CACNA1E: variants seen among roughly 807,000 people sequenced by gnomAD.
The protein encoded by CACNA1E is voltage-dependent R-type calcium channel subunit alpha-1E.
Under a neutral mutation model 259.2 loss-of-function variants are expected in CACNA1E, and 40 were observed. The observed-to-expected ratio is 0.15, with a 90% CI of 0.12 to 0.20. CACNA1E has a LOEUF of 0.20. CACNA1E is among the 10% of genes least tolerant of loss of function. The probability of loss-of-function intolerance (pLI) is 1.00; values close to 1 mark genes in which losing one functional copy is unlikely to be tolerated. For synonymous variants in CACNA1E, 1,104 were observed against 1,138.5 expected, an observed-to-expected ratio of 0.97 and a Z score of 0.61; for missense variants, 1,874 against 3,040.1, an observed-to-expected ratio of 0.62 and a Z score of 9.02.
intron 12 of CACNA1E, among the ~76,000 whole-genome samples, chr1:181,719,026 A>C (rs1441733631): frequency 4.6e-5 from 7 of 152,196 alleles, no homozygotes. Context: ...GCTAATCTAC[A>C]TTTTAACTTG....
intron 6 of CACNA1E, among the ~76,000 whole-genome samples, chr1:181,635,076 G>A (rs542118754): frequency 1.2e-4 from 18 of 152,360 alleles, no homozygotes; most frequent in East Asian, 7.7e-4. Context: ...TGTCTTCACC[G>A]CTTGTTGAGA....
intron 7 of CACNA1E, among the ~76,000 whole-genome samples, chr1:181,662,711 G>A (rs1317769492): frequency 1.4e-5 from 2 of 147,852 alleles, no homozygotes; most frequent in African/African-American, 4.9e-5. Flanking sequence ...CTCAGTAGGT[G>A]GGGCTGGGAA....
intron 6 of CACNA1E, among the ~76,000 whole-genome samples, chr1:181,625,172 A>G (rs1442823136): frequency 6.6e-6 from 1 of 151,516 alleles, no homozygotes; most frequent in African/African-American, 2.4e-5. Flanking sequence ...GAGCACAAGC[A>G]GAGTAGATTT....
chr1:181,582,236 C>T (rs902730400), intron 6 of CACNA1E, among the ~76,000 whole-genome samples: 4 of 152,228 alleles, frequency 2.6e-5, no homozygotes, highest in African/African-American at 7.2e-5. Flanking sequence ...CCAGCAAGCC[C>T]AGGGATGAAG....
At chr1:181,737,795 G>A in intron 23 of CACNA1E, 141 bp downstream of exon 23, 1 of 1,167,926 alleles carries the variant, frequency 8.6e-7, no homozygotes, top group East Asian at 2.4e-5. Flanking sequence ...GTTCCTCAGG[G>A]CGAAGTATGA....
At chr1:181,489,236 CAG>C (rs913326556) in intron 1 of CACNA1E, among the ~76,000 whole-genome samples, 6 of 151,342 alleles carry the variant, frequency 4.0e-5, no homozygotes, top group African/African-American at 1.2e-4. Flanking sequence ...TCCATTTATT[CAG>C]AGAGAGAGAG....
At chr1:181,738,016 A>G (rs976646968) in intron 23 of CACNA1E, among the ~76,000 whole-genome samples, 1 of 152,188 alleles carries the variant, frequency 6.6e-6, no homozygotes, top group Non-Finnish European at 1.5e-5. Context: ...GTCAGGAGAC[A>G]TGAGGGACGC....
intron 7 of CACNA1E, among the ~76,000 whole-genome samples, chr1:181,686,382 G>T (rs2102296513): frequency 7.2e-6 from 1 of 139,780 alleles, no homozygotes; most frequent in East Asian, 2.3e-4. Context: ...TACTTCCTGG[G>T]TTCAAGCGAT....
At chr1:181,425,585 GA>G (rs1248046670) in intron 2 of CACNA1E, among the ~76,000 whole-genome samples, 3 of 128,908 alleles carry the variant, frequency 2.3e-5, no homozygotes, top group Non-Finnish European at 4.6e-5. Flanking sequence ...AGGCACCGAT[GA>G]AAAGACCTTT....
At chr1:181,572,009 A>G (rs889619908) in intron 3 of CACNA1E, among the ~76,000 whole-genome samples, 24 of 152,240 alleles carry the variant, frequency 1.6e-4, no homozygotes, top group African/African-American at 5.8e-4. Context: ...TGAATATTCC[A>G]TGCATTGTAC....
At chr1:181,598,972 G>A (rs1653472075) in intron 6 of CACNA1E, among the ~76,000 whole-genome samples, 1 of 151,916 alleles carries the variant, frequency 6.6e-6, no homozygotes, top group African/African-American at 2.4e-5. Context: ...TTAAGTTCAG[G>A]GGTATATGTG....
chr1:181,784,582 A>T, intron 40 of CACNA1E, 79 bp from the exon 41 acceptor site: 1 of 912,088 alleles, frequency 1.1e-6, no homozygotes. Flanking sequence ...CTGCTGATTC[A>T]GCTCCTACCT....
chr1:181,420,751 A>G (rs1658670471), intron 2 of CACNA1E, among the ~76,000 whole-genome samples: 1 of 152,334 alleles, frequency 6.6e-6, no homozygotes. Flanking sequence ...ATTATTGCAT[A>G]TGGGTCTGGA....
intron 46 of CACNA1E, 109 bp from the exon 47 acceptor site, chr1:181,796,559 C>T (rs1661823393): frequency 7.8e-6 from 6 of 765,172 alleles, no homozygotes; most frequent in Non-Finnish European, 1.2e-5. Flanking sequence ...TGTGGTTCCT[C>T]TGAGGGCCCA....
intron 7 of CACNA1E, among the ~76,000 whole-genome samples, chr1:181,661,257 T>A (rs995657615): frequency 6.6e-6 from 1 of 152,094 alleles, no homozygotes; most frequent in Non-Finnish European, 1.5e-5. Context: ...TTGAAGATGA[T>A]CACCCTGGAG....
At chr1:181,390,076 A>G (rs1342142328) in intron 1 of CACNA1E, among the ~76,000 whole-genome samples, 1 of 152,142 alleles carries the variant, frequency 6.6e-6, no homozygotes, top group East Asian at 1.9e-4. Flanking sequence ...GAGCACGAGG[A>G]CTTTGCTGCC....
Position 181,355,965 on chromosome 1 carries a change from GTTGTT to G in CACNA1E, c.-15+37845_-15+37849del, listed in dbSNP as rs557757039. Among the ~76,000 whole-genome samples the G allele has an allele frequency of 1.4e-3, 207 of 152,290 alleles. 3 individuals are homozygous for G. The highest frequency in any genetic ancestry group is 4.6e-4 in the Non-Finnish European group (31 of 68,004). On this transcript the variant is annotated intron_variant, in intron 1 of 11. Transcript: ENST00000524607. The stretch of plus-strand genomic sequence containing the variant: ...ATCCAAAAGTTCATATAATATTAAA[GTTGTT>G]TTAAGTGTTTCATTTCCTGTTTTCC...
chr1:181,632,746 T>G (rs1656863832), intron 6 of CACNA1E, among the ~76,000 whole-genome samples: 1 of 152,128 alleles, frequency 6.6e-6, no homozygotes, highest in South Asian at 2.1e-4. Context: ...CCTGGACCCA[T>G]GCAGATTGAT....
intron 1 of CACNA1E, among the ~76,000 whole-genome samples, chr1:181,349,574 G>A (rs1652871744): frequency 1.3e-5 from 2 of 152,202 alleles, no homozygotes; most frequent in South Asian, 4.1e-4. Flanking sequence ...AGACAGTGAG[G>A]GGGTGAGGGC....
Sources: gnomAD v4.1 joint callset for allele counts (sites outside exome capture counted in the v4.1 genomes callset) on GRCh38, gnomAD v4.1.1 for gene constraint, MANE v1.5 for transcripts, NCBI Gene and HGNC (gene_info 2026-07-23, HGNC 2026-07-21) for gene names.